Variants in TP73 observed in about 807,000 individuals in gnomAD.
TP73 encodes p53-like transcription factor.
In TP73, 25 loss-of-function variants were observed where a neutral mutation model predicts 62.5. That is an observed-to-expected ratio of 0.40 (90% CI 0.29 to 0.56). The LOEUF (loss-of-function observed/expected upper bound fraction) is 0.56, where lower values mean the gene tolerates loss of function less well. Among genes scored for constraint, TP73 ranks in the 20% least tolerant of loss-of-function variants. The pLI is 0.46. For missense variants in TP73, 754 were observed against 913.3 expected, an observed-to-expected ratio of 0.83 and a Z score of 2.25; for synonymous variants, 423 against 377.5, an observed-to-expected ratio of 1.12 and a Z score of -1.40.
At chr1:3,661,678 C>T (rs979807226) in intron 1 of TP73, among the ~76,000 whole-genome samples, 1 of 149,984 alleles carries the variant, frequency 6.7e-6, no homozygotes, top group Non-Finnish European at 1.5e-5. Flanking sequence ...CCACTGTACT[C>T]CAGCCTGAGC....
intron 3 of TP73, among the ~76,000 whole-genome samples, chr1:3,702,978 C>T (rs1639322783): frequency 6.6e-6 from 1 of 152,188 alleles, no homozygotes; most frequent in Non-Finnish European, 1.5e-5. Flanking sequence ...GAGCCAGGCC[C>T]CAGGGAAAGC....
At chr1:3,706,680 G>A (rs917745939) in intron 3 of TP73, among the ~76,000 whole-genome samples, 5 of 152,098 alleles carry the variant, frequency 3.3e-5, no homozygotes, top group African/African-American at 1.2e-4. Flanking sequence ...GAGACATCGA[G>A]GCCAGACCAG....
chr1:3,697,522 G>C (rs1015908482), intron 3 of TP73, among the ~76,000 whole-genome samples: 1 of 152,218 alleles, frequency 6.6e-6, no homozygotes, highest in South Asian at 2.1e-4. Flanking sequence ...CCTGGCCCCT[G>C]TGCCTGGCTC....
chr1:3,656,068 C>T (rs916614776), intron 1 of TP73, among the ~76,000 whole-genome samples: 3 of 151,836 alleles, frequency 2.0e-5, no homozygotes, highest in African/African-American at 7.3e-5. Flanking sequence ...CCCAGCTACC[C>T]AGGAGGCTGA....
chr1:3,711,647 T>C (rs3819961), intron 4 of TP73, among the ~76,000 whole-genome samples: 26,266 of 152,088 alleles, frequency 0.17, 2,462 homozygotes, highest in African/African-American at 0.22. Context: ...ACAGCATCTG[T>C]GGGCACCTCA....
chr1:3,693,644 AG>A (rs1218489691), intron 3 of TP73, among the ~76,000 whole-genome samples: 6 of 152,040 alleles, frequency 3.9e-5, no homozygotes, highest in Non-Finnish European at 5.9e-5. Context: ...ATGGGGACGC[AG>A]GGGGGCCTGG....
intron 3 of TP73, among the ~76,000 whole-genome samples, chr1:3,702,061 C>T (rs1184688363): frequency 6.6e-6 from 1 of 152,220 alleles, no homozygotes; most frequent in African/African-American, 2.4e-5. Context: ...CTGGGATGGG[C>T]AGCCCTGGCC....
chr1:3,673,491 C>T (rs975672769), intron 1 of TP73, among the ~76,000 whole-genome samples: 1 of 152,210 alleles, frequency 6.6e-6, no homozygotes, highest in Non-Finnish European at 1.5e-5. Flanking sequence ...TTCATTCCAC[C>T]TAGCGCTTCT....
At position 3,730,992 on chromosome 1, in the gene TP73, A is replaced by C; in HGVS notation, c.1411A>C (p.Ser471Arg). The C allele has an allele frequency of 6.2e-7, 1 of 1,612,250 alleles. No individual in the cohort carries two copies. The highest frequency in any genetic ancestry group is 8.5e-7 in the Non-Finnish European group (1 of 1,179,772). Residue 471 changes from serine to arginine, a missense_variant, in exon 12 of 14, where the codon AGC (serine) becomes CGC (arginine). This residue lies in a region of TP73 where 458 missense variants were observed against 528.7 expected (regional missense o/e 0.87). Coordinates refer to ENST00000378295, the MANE Select transcript of TP73 (RefSeq NM_005427.4). ...PANGEMSSSH[S>R]AQSMVSGSHC... Reference sequence around the variant, plus strand: ...CAACGGCGAGATGAGCAGCAGCCACAGCGCCCAGTCCATGGTCTCGGGGTC... The same window carrying C: ...CAACGGCGAGATGAGCAGCAGCCACCGCGCCCAGTCCATGGTCTCGGGGTC...
intron 1 of TP73, among the ~76,000 whole-genome samples, chr1:3,661,850 A>G (rs1644998887): frequency 6.8e-6 from 1 of 147,516 alleles, no homozygotes; most frequent in Non-Finnish European, 1.5e-5. Flanking sequence ...TAATATATGT[A>G]TTATATATAT....
chr1:3,732,586 G>A (rs1642215984), intron 13 of TP73, among the ~76,000 whole-genome samples, 161 bp from the exon 14 acceptor site: 1 of 150,612 alleles, frequency 6.6e-6, no homozygotes, highest in African/African-American at 2.4e-5. Flanking sequence ...CACAGGCCAG[G>A]AGTGACTCTG....
At position 3,707,918 on chromosome 1, in the gene TP73, C is replaced by CG. The variant is rs1243494755; in HGVS notation, c.429+130dup. 2.6e-5 allele frequency: 37 copies of CG among 1,434,642 alleles called. No individual in the cohort carries two copies. The South Asian group carries it at 2.9e-4, about 11-fold the overall frequency. 88.9% of individuals were successfully genotyped at this position (1,434,642 alleles called of 1,614,324 possible). On this transcript the variant is annotated intron_variant, in intron 4 of 13. Transcript: ENST00000378295. Reference sequence around the variant, plus strand: ...GTCTGCTCGGGGTTCCCACCTGGCCCGGGCCAGGAGGAGCATCGGGCAGGA... The same window carrying CG: ...GTCTGCTCGGGGTTCCCACCTGGCCCGGGGCCAGGAGGAGCATCGGGCAGGA...
rs763520159 is a variant in TP73 at position 3,731,056 on chromosome 1, G to C, written c.1475G>C (p.Ser492Thr). Residue 492 changes from serine (S) to threonine (T), a missense_variant, in exon 12 of 14, where the codon AGC (serine) becomes ACC (threonine). Coordinates refer to ENST00000378295, the MANE Select transcript of TP73 (RefSeq NM_005427.4). The stretch of plus-strand genomic sequence containing the variant: ...CCACCCCCCTACCACGCCGACCCCA[G>C]CCTCGTCAGGTGCGTGGGCTGCCGA... ...TPPPPYHADP[S>T]LVSFLTGLGC... is the part of the protein sequence containing the mutation. 1 of 1,611,384 alleles carries C rather than the reference G, an allele frequency of 6.2e-7. No individual in the cohort carries two copies. Among genetic ancestry groups the C allele is most frequent in the Non-Finnish European group, 8.5e-7 (1 of 1,179,162 alleles).
At chr1:3,729,494 G>T (rs1345381097) in intron 10 of TP73, 46 bp downstream of exon 10, 1 of 1,610,486 alleles carries the variant, frequency 6.2e-7, no homozygotes, top group African/African-American at 1.3e-5. Flanking sequence ...GGAGGACATG[G>T]CTTAACCCCC....
At chr1:3,703,884 T>C (rs951834648) in intron 3 of TP73, among the ~76,000 whole-genome samples, 1 of 152,120 alleles carries the variant, frequency 6.6e-6, no homozygotes, top group Non-Finnish European at 1.5e-5. Flanking sequence ...CGTGCATCCC[T>C]GAGGCCATCC....
intron 6 of TP73, among the ~76,000 whole-genome samples, chr1:3,726,053 G>A (rs1490566581): frequency 1.4e-5 from 1 of 69,238 alleles, no homozygotes; most frequent in Non-Finnish European, 3.1e-5. Context: ...GGATGGAGTG[G>A]GTGGGTGGGT....
At chr1:3,725,606 G>A (rs1387000934) in intron 6 of TP73, among the ~76,000 whole-genome samples, 77 of 137,642 alleles carry the variant, frequency 5.6e-4, no homozygotes, top group Non-Finnish European at 1.1e-3. Flanking sequence ...GGATGGTTGG[G>A]TAGAGGGATG....
chr1:3,708,955 G>A (rs1173517490), intron 4 of TP73, among the ~76,000 whole-genome samples: 1 of 152,234 alleles, frequency 6.6e-6, no homozygotes, highest in Non-Finnish European at 1.5e-5. Context: ...CCCCCTGTCG[G>A]GAGTGCTGAG....
rs562695403 is a variant in TP73, at chr1:3,676,131, G to A, written c.-33-6202G>A. Among the ~76,000 whole-genome samples the A allele has an allele frequency of 3.3e-3, 493 of 149,844 alleles. 3 individuals carry two copies. Among genetic ancestry groups the A allele is most frequent in the South Asian group, 7.9e-3 (37 of 4,698 alleles). On this transcript the variant is annotated intron_variant, in intron 1 of 13. Coordinates refer to ENST00000378295, the MANE Select transcript of TP73 (RefSeq NM_005427.4). ...GGACAGGAGACGGGGAGGGACAGAG[G>A]ATGGGGGACAAGGAGGGGACAGGAG...
Sources: gnomAD v4.1 joint callset for allele counts (sites outside exome capture counted in the v4.1 genomes callset) on GRCh38, gnomAD v4.1.1 for gene constraint, gnomAD v4.1.1 regional missense constraint, MANE v1.5 for transcripts, NCBI Gene and HGNC (gene_info 2026-07-23, HGNC 2026-07-21) for gene names.